The following MESP1 variants were observed in gnomAD, a reference collection of about 807,000 sequenced individuals.
MESP1 encodes the protein mesoderm posterior bHLH transcription factor 1, also known as mesoderm posterior protein 1.
Under a neutral mutation model 15.2 loss-of-function variants are expected in MESP1, and 22 were observed. The observed-to-expected ratio is 1.45, with a 90% CI of 1.04 to 2.07. MESP1 has a LOEUF of 2.07. Among genes scored for constraint, MESP1 ranks in the 30% most tolerant of loss-of-function variants. The pLI, the probability that MESP1 is intolerant of heterozygous loss-of-function variation, is 0.00. For missense variants in MESP1, 484 were observed against 411.9 expected, an observed-to-expected ratio of 1.17 and a Z score of -1.51; for synonymous variants, 216 against 192.6, an observed-to-expected ratio of 1.12 and a Z score of -1.01.
chr15:89,743,166 A>G, the MESP1 span: 1 of 853,606 alleles, frequency 1.2e-6, no homozygotes, highest in Non-Finnish European at 1.9e-6. Context: ...GAGGACACAG[A>G]GGCGATGCAG....
downstream of MESP1, chr15:89,748,819 T>A (rs1968024415): frequency 1.3e-5 from 2 of 152,198 alleles, no homozygotes; most frequent in African/African-American, 4.8e-5. Flanking sequence ...GTTCTAAAAT[T>A]AGTGGCAATG....
At chr15:89,748,455 G>A (rs542794206), downstream of MESP1, among the ~76,000 whole-genome samples, 54 of 152,360 alleles carry the variant, frequency 3.5e-4, no homozygotes, top group African/African-American at 1.3e-3. Flanking sequence ...CTCCTGGCCC[G>A]GGCCGGAGTA....
chr15:89,747,759 C>T (rs941885657), downstream of MESP1, among the ~76,000 whole-genome samples: 6 of 152,254 alleles, frequency 3.9e-5, no homozygotes, highest in African/African-American at 1.4e-4. Context: ...TCTTAACGCT[C>T]CTGTTCTTAA....
chr15:89,739,557 C>T, the MESP1 span, among the ~76,000 whole-genome samples: 21 of 152,330 alleles, frequency 1.4e-4, no homozygotes, highest in African/African-American at 4.6e-4. Flanking sequence ...AAATAGGTGT[C>T]TCTTCTAATC....
chr15:89,736,211 G>C, the MESP1 span, among the ~76,000 whole-genome samples: 1 of 152,220 alleles, frequency 6.6e-6, no homozygotes, highest in African/African-American at 2.4e-5. Flanking sequence ...ACTACCTGTG[G>C]CTGTTGCCAA....
At chr15:89,732,752 G>T in the MESP1 span, among the ~76,000 whole-genome samples, 1 of 151,954 alleles carries the variant, frequency 6.6e-6, no homozygotes, top group African/African-American at 2.4e-5. Context: ...CTCCAGTGCT[G>T]ACCCTGCCCT....
chr15:89,732,969 C>T, the MESP1 span: 3 of 1,604,452 alleles, frequency 1.9e-6, no homozygotes, highest in Non-Finnish European at 2.6e-6. Context: ...CTCCCCTACC[C>T]CGTTTTCTGA....
the MESP1 span, among the ~76,000 whole-genome samples, chr15:89,735,283 T>A: frequency 6.6e-6 from 1 of 152,216 alleles, no homozygotes; most frequent in African/African-American, 2.4e-5. Context: ...CATTACCATA[T>A]TATATTTCAT....
chr15:89,749,997 G>C lies in MESP1; in HGVS notation c.*147C>G. On this transcript the variant is annotated 3_prime_UTR_variant, in exon 2 of 2. Transcript: ENST00000300057. ...GGGAGGGGCTGAGAAGGGCCGCCGC[G>C]GTGGGGACGGCTCTCACCCGCAGGA... The C allele has an allele frequency of 1.3e-6, 1 of 758,842 alleles. No homozygotes were observed. Among genetic ancestry groups the C allele is most frequent in the African/African-American group, 1.7e-5 (1 of 58,088 alleles). The allele number at this position is 758,842 out of a possible 1,614,324, so 47.0% of individuals were successfully genotyped here. A position where few individuals can be genotyped will look rare whatever the true frequency, so the allele number is the denominator to read the frequency against.
At chr15:89,748,243 A>C (rs965369259), downstream of MESP1, among the ~76,000 whole-genome samples, 2 of 152,094 alleles carry the variant, frequency 1.3e-5, no homozygotes, top group African/African-American at 4.8e-5. Flanking sequence ...ACTCTACCCC[A>C]GTTAGGGTCC....
At chr15:89,738,258 C>A in the MESP1 span, 1 of 1,561,262 alleles carries the variant, frequency 6.4e-7, no homozygotes, top group Non-Finnish European at 8.7e-7. Flanking sequence ...TGTGTCTTCA[C>A]CCCCTCCCAC....
chr15:89,747,541 G>A (rs1289177903), downstream of MESP1, among the ~76,000 whole-genome samples: 2 of 152,230 alleles, frequency 1.3e-5, no homozygotes, highest in African/African-American at 4.8e-5. Flanking sequence ...TCCCTCCACG[G>A]CACGTGGGGC....
Position 89,750,645 on chromosome 15 carries a change from C to A in MESP1, c.587G>T (p.Arg196Leu). ...GRGLGLVSAV[R>L]AGASWGSPPA... ...CGGGGATCCCCAGGACGCCCCGGCG[C>A]GGACGGCGGATACCAGGCCCAGCCC... The change falls in exon 1 of 2, where the codon CGC (arginine) becomes CTC (leucine). Residue 196 changes from arginine to leucine, a missense_variant. By Grantham distance (102) the Arg-to-Leu change is moderately radical. Transcript: ENST00000300057. The A allele has an allele frequency of 7.3e-7, 1 of 1,372,044 alleles. No homozygotes were observed. The highest frequency in any genetic ancestry group is 9.3e-7 in the Non-Finnish European group (1 of 1,071,710). 85.0% of individuals were successfully genotyped at this position (1,372,044 alleles called of 1,614,324 possible). A position where few individuals can be genotyped will look rare whatever the true frequency, so the allele number is the denominator to read the frequency against.
chr15:89,735,448 C>G, the MESP1 span: 11 of 1,596,972 alleles, frequency 6.9e-6, no homozygotes, highest in Non-Finnish European at 6.9e-6. Flanking sequence ...AACTTTTAAA[C>G]TCTTAAAGTA....
intron 1 of MESP1, 69 bp from the exon 2 acceptor site, chr15:89,750,296 G>C (rs1050369500): frequency 9.4e-6 from 15 of 1,593,368 alleles, no homozygotes; most frequent in Non-Finnish European, 1.3e-5. Flanking sequence ...CGCGCTCGTG[G>C]GCTCCACTCT....
At chr15:89,747,393 C>G (rs1967991635), downstream of MESP1, among the ~76,000 whole-genome samples, 1 of 152,234 alleles carries the variant, frequency 6.6e-6, no homozygotes, top group South Asian at 2.1e-4. Context: ...GCTGGTTTCC[C>G]TGCGCTGGCC....
chr15:89,751,132 G>A lies in MESP1; in HGVS notation c.100C>T (p.Arg34Cys), dbSNP rs202179989. The A allele has an allele frequency of 4.7e-6, 6 of 1,278,856 alleles. No individual in the cohort carries two copies. Among genetic ancestry groups the A allele is most frequent in the Non-Finnish European group, 5.9e-6 (6 of 1,015,852 alleles). The allele number at this position is 1,278,856 out of a possible 1,614,324, so 79.2% of individuals were successfully genotyped here. ...GAGTCTGGGGACGAGACGAGGGAGCGGCCGCAGTCCTTGTCGGAGGGCGGC... is the reference window on the plus strand; with the variant it reads ...GAGTCTGGGGACGAGACGAGGGAGCAGCCGCAGTCCTTGTCGGAGGGCGGC... Reference protein sequence around the residue: ...RPPPSDKDCGRSLVSSPDSWG... With the variant: ...RPPPSDKDCGCSLVSSPDSWG... The change falls in exon 1 of 2, where the codon CGC becomes TGC. Residue 34 changes from arginine (R) to cysteine (C), a missense_variant. Coordinates refer to ENST00000300057, the MANE Select transcript of MESP1 (RefSeq NM_018670.4).
chr15:89,747,642 G>A (rs528357925), downstream of MESP1, among the ~76,000 whole-genome samples: 1 of 152,208 alleles, frequency 6.6e-6, no homozygotes, highest in African/African-American at 2.4e-5. Flanking sequence ...GAGACAAGCT[G>A]GTGTTCAGCC....
chr15:89,737,966 C>T, the MESP1 span: 12 of 1,463,532 alleles, frequency 8.2e-6, no homozygotes, highest in East Asian at 2.3e-5. Context: ...GCAGCCCCCA[C>T]CTGCTCACCT....
Sources: gnomAD v4.1 joint callset for allele counts (sites outside exome capture counted in the v4.1 genomes callset) on GRCh38, gnomAD v4.1.1 for gene constraint, MANE v1.5 for transcripts, NCBI Gene and HGNC (gene_info 2026-07-23, HGNC 2026-07-21) for gene names.